Variants in XPNPEP2 observed in about 807,000 individuals in gnomAD.
XPNPEP2 encodes xaa-Pro aminopeptidase 2.
In XPNPEP2, 64 loss-of-function variants were observed where a neutral mutation model predicts 59.8. The observed-to-expected ratio is 1.07, with a 90% CI of 0.87 to 1.32. XPNPEP2 has a LOEUF of 1.32. Ranked by LOEUF, XPNPEP2 falls within the 40% of genes most tolerant of loss-of-function variation. The pLI, the probability that XPNPEP2 is intolerant of heterozygous loss-of-function variation, is 0.00. For missense variants in XPNPEP2, 575 were observed against 546.8 expected (o/e 1.05, Z -0.51); for synonymous variants, 235 against 210.0 (o/e 1.12, Z -1.03).
intron 19 of XPNPEP2, among the ~76,000 whole-genome samples, chrX:129,764,761 C>T (rs1926717750): frequency 9.0e-6 from 1 of 110,715 alleles, no homozygotes; most frequent in Non-Finnish European, 1.9e-5. Flanking sequence ...GTCAGGAGTT[C>T]AAGACCAGCC....
At position 129,746,639 on chromosome X, in the gene XPNPEP2, G is replaced by A. The variant is rs139036253; in HGVS notation, c.448G>A (p.Ala150Thr). 26 of 1,208,228 alleles carry A rather than the reference G, an allele frequency of 2.2e-5. No individual in the cohort carries two copies. The African/African-American group carries it at 3.2e-4, about 15-fold the overall frequency. The part of the protein sequence containing the change: ...IVTWLLTEIP[A>T]GGRVGFDPFL... ...CACCTGGCTCCTCACCGAGATTCCT[G>A]CTGGAGGGCGTGTGGGTTTTGACCC... The change falls in exon 6 of 21, where the codon GCT becomes ACT. Residue 150 changes from alanine to threonine, a missense_variant. Transcript: ENST00000371106.
chrX:129,768,090 C>T (rs1027365910), intron 20 of XPNPEP2, among the ~76,000 whole-genome samples: 1 of 111,359 alleles, frequency 9.0e-6, no homozygotes, highest in Non-Finnish European at 1.9e-5. Context: ...ATGAACATCA[C>T]CATGACATGA....
chrX:129,742,616 C>T (rs1602895302), intron 2 of XPNPEP2, among the ~76,000 whole-genome samples: 1 of 110,748 alleles, frequency 9.0e-6, no homozygotes, highest in South Asian at 3.8e-4. Flanking sequence ...GAAGAGCCAA[C>T]GGAGGCCGAG....
At chrX:129,742,247 C>T (rs936255946) in intron 2 of XPNPEP2, 66 bp downstream of exon 2, 14 of 636,392 alleles carry the variant, frequency 2.2e-5, no homozygotes, top group Admixed American at 9.0e-5. Context: ...CCCTGCCCCA[C>T]GCACCCCTGC....
At chrX:129,752,665 T>C (rs933421004) in intron 10 of XPNPEP2, among the ~76,000 whole-genome samples, 6 of 112,537 alleles carry the variant, frequency 5.3e-5, no homozygotes, top group African/African-American at 1.9e-4. Flanking sequence ...ACAAGCAACT[T>C]AGCCAATCTG....
At chrX:129,763,679 A>G (rs1926698322) in intron 19 of XPNPEP2, among the ~76,000 whole-genome samples, 1 of 111,432 alleles carries the variant, frequency 9.0e-6, no homozygotes, top group African/African-American at 3.3e-5. Flanking sequence ...TCTAAAAAAA[A>G]AGCAATAAGA....
At position 129,762,729 on chromosome X, in the gene XPNPEP2, C is replaced by T; in HGVS notation, c.1699C>T (p.Arg567Cys). 1.7e-6 allele frequency: 2 copies of T among 1,211,619 alleles called. No homozygotes were observed. Among genetic ancestry groups the T allele is most frequent in the Non-Finnish European group, 2.2e-6 (2 of 895,404 alleles). The change falls in exon 19 of 21, where the codon CGT (arginine) becomes TGT (cysteine). Residue 567 changes from arginine to cysteine, a missense_variant. Transcript: ENST00000371106. ...CTATAAGGATGGAGAATTTGGGATC[C>T]GTCTCGAAGATGTGGCTCTCGTGGT... ...GYYKDGEFGI[R>C]LEDVALVVEA...
chrX:129,764,669 A>T (rs1384879153), intron 19 of XPNPEP2, among the ~76,000 whole-genome samples: 5 of 106,684 alleles, frequency 4.7e-5, no homozygotes, highest in African/African-American at 6.9e-5. Context: ...AAAAAAAAAA[A>T]AATACAAATC....
At chrX:129,768,268 G>A in intron 20 of XPNPEP2, 23 bp from the exon 21 acceptor site, 1 of 1,139,307 alleles carries the variant, frequency 8.8e-7, no homozygotes, top group Non-Finnish European at 1.2e-6. Context: ...TAGAGAGGCT[G>A]TCACCCCTTC....
At chrX:129,753,504 G>A (rs1279227363) in intron 11 of XPNPEP2, among the ~76,000 whole-genome samples, 2 of 111,170 alleles carry the variant, frequency 1.8e-5, no homozygotes, top group African/African-American at 3.3e-5. Context: ...TTAGCCAGGC[G>A]TGGTGGCGAT....
At chrX:129,747,795 G>A (rs762932224) in intron 7 of XPNPEP2, 42 bp downstream of exon 7, 29 of 1,208,144 alleles carry the variant, frequency 2.4e-5, no homozygotes, top group Non-Finnish European at 3.0e-5. Flanking sequence ...TTGTAGCAAC[G>A]CAGGTCCCGG....
chrX:129,757,953 AAGAAAG>A, intron 14 of XPNPEP2, among the ~76,000 whole-genome samples: 1 of 94,332 alleles, frequency 1.1e-5, no homozygotes, highest in East Asian at 3.3e-4. Context: ...GAAAGAAAGA[AAGAAAG>A]AAAAAGAATA....
At chrX:129,761,842 A>G (rs859584) in intron 17 of XPNPEP2, among the ~76,000 whole-genome samples, 164 bp from the exon 18 acceptor site, 3 of 111,576 alleles carry the variant, frequency 2.7e-5, no homozygotes, top group Non-Finnish European at 5.7e-5. Context: ...TAAAAGCCAG[A>G]GCCAATCTGG....
At chrX:129,754,809 G>A (rs756999229) in intron 12 of XPNPEP2, among the ~76,000 whole-genome samples, 1 of 111,201 alleles carries the variant, frequency 9.0e-6, no homozygotes, top group Admixed American at 9.5e-5. Flanking sequence ...AGGACAACTC[G>A]AAGGGCCACA....
chrX:129,752,271 T>C lies in XPNPEP2; in HGVS notation c.943T>C (p.Tyr315His). Residue 315 changes from tyrosine to histidine, a missense_variant, in exon 10 of 21, where the codon TAC becomes CAC. Tyr to His is a moderately conservative substitution (Grantham distance 83). Coordinates refer to ENST00000371106, the MANE Select transcript of XPNPEP2 (RefSeq NM_003399.6). ...CCAAGTTCGTGACAGCATCCAGGCC[T>C]ACTCATTGGGAGATGTGAGGATCTG... The part of the protein sequence containing the change: ...YSQVRDSIQA[Y>H]SLGDVRIWIG... 2 of 1,212,032 alleles carry C rather than the reference T, an allele frequency of 1.7e-6. No homozygotes were observed. The highest frequency in any genetic ancestry group is 2.2e-6 in the Non-Finnish European group (2 of 895,517).
intron 4 of XPNPEP2, among the ~76,000 whole-genome samples, chrX:129,745,754 A>G (rs1459789988): frequency 9.0e-6 from 1 of 111,603 alleles, no homozygotes; most frequent in Non-Finnish European, 1.9e-5. Context: ...ATCCTGGCCC[A>G]TTGAATGAAA....
Position 129,768,375 on chromosome X carries a change from G to A in XPNPEP2, c.1915G>A (p.Glu639Lys), listed in dbSNP as rs761169003. The change falls in exon 21 of 21, where the codon GAG becomes AAG. Residue 639 changes from glutamate to lysine, a missense_variant. Glu to Lys is a moderately conservative substitution (Grantham distance 56). Transcript: ENST00000371106. ...GAGGCGCCAGCTACTAGAGGAGTTCGAGTGGCTTCAACAGCACACAGAGCC... is the reference window on the plus strand; with the variant it reads ...GAGGCGCCAGCTACTAGAGGAGTTCAAGTGGCTTCAACAGCACACAGAGCC... ...LQRRQLLEEF[E>K]WLQQHTEPLA... 2.6e-5 allele frequency: 31 copies of A among 1,207,910 alleles called. No homozygotes were observed. Among genetic ancestry groups the A allele is most frequent in the Middle Eastern group, 2.3e-4 (1 of 4,364 alleles).
At chrX:129,750,447 T>C (rs771303570) in intron 7 of XPNPEP2, 21 bp from the exon 8 acceptor site, 1 of 1,166,117 alleles carries the variant, frequency 8.6e-7, no homozygotes, top group African/African-American at 1.8e-5. Flanking sequence ...TTACACTTTT[T>C]TGGGGCTCCT....
At chrX:129,750,661 C>A in intron 8 of XPNPEP2, 92 bp downstream of exon 8, 2 of 754,448 alleles carry the variant, frequency 2.7e-6, no homozygotes, top group Non-Finnish European at 3.7e-6. Context: ...AGCTCTTCCC[C>A]AAATAACCAT....
Sources: gnomAD v4.1 joint callset for allele counts (sites outside exome capture counted in the v4.1 genomes callset) on GRCh38, gnomAD v4.1.1 for gene constraint, MANE v1.5 for transcripts, NCBI Gene and HGNC (gene_info 2026-07-23, HGNC 2026-07-21) for gene names.